The following ZNF69 variants were observed in gnomAD, a reference collection of about 807,000 sequenced individuals.
ZNF69 encodes the protein ZNF3.
ZNF69 carries 47 observed loss-of-function variants against 50.9 expected under a neutral mutation model. The ratio of observed to expected loss-of-function variants is 0.92; its 90% CI spans 0.73 to 1.18. The LOEUF is 1.18. ZNF69 is among the 50% of genes most tolerant of loss of function. The pLI is 0.00. For synonymous variants in ZNF69, 216 were observed against 223.1 expected, an observed-to-expected ratio of 0.97 and a Z score of 0.29; for missense variants, 717 against 675.1, an observed-to-expected ratio of 1.06 and a Z score of -0.69.
downstream of ZNF69, among the ~76,000 whole-genome samples, chr19:11,918,683 G>A (rs371282158): frequency 8.6e-5 from 13 of 151,910 alleles, no homozygotes; most frequent in East Asian, 5.8e-4. Flanking sequence ...TCGAACTCCC[G>A]GGCTCAATCA....
At chr19:11,909,293 A>G (rs553518661), downstream of ZNF69, among the ~76,000 whole-genome samples, 2 of 152,340 alleles carry the variant, frequency 1.3e-5, no homozygotes, top group South Asian at 4.1e-4. Context: ...ATCAATAGAA[A>G]AAGAGGGAAT....
downstream of ZNF69, among the ~76,000 whole-genome samples, chr19:11,907,335 T>C (rs1972393452): frequency 6.6e-6 from 1 of 152,118 alleles, no homozygotes; most frequent in African/African-American, 2.4e-5. Context: ...GCCACAAAGA[T>C]ACTCCTCGAG....
intron 1 of ZNF69, among the ~76,000 whole-genome samples, chr19:11,894,422 GA>G (rs1180568983): frequency 6.6e-6 from 1 of 152,186 alleles, no homozygotes; most frequent in African/African-American, 2.4e-5. Context: ...TTACAGGCAT[GA>G]GATACCCCAC....
the ZNF69 span, chr19:11,949,649 G>A: frequency 3.7e-6 from 6 of 1,612,708 alleles, no homozygotes; most frequent in African/African-American, 1.3e-5. Flanking sequence ...AACCAATGTG[G>A]TAAAGCCTTC....
At chr19:11,892,702 A>G (rs1425677176) in intron 1 of ZNF69, among the ~76,000 whole-genome samples, 1 of 152,262 alleles carries the variant, frequency 6.6e-6, no homozygotes, top group African/African-American at 2.4e-5. Context: ...TAGGTAAGAA[A>G]GAAGGCGAAT....
the ZNF69 span, chr19:11,947,550 A>G: frequency 4.3e-6 from 7 of 1,613,630 alleles, no homozygotes; most frequent in African/African-American, 8.0e-5. Flanking sequence ...GAATATGAGT[A>G]CCAAAACCCC....
the ZNF69 span, among the ~76,000 whole-genome samples, chr19:11,935,175 C>CAA: frequency 3.4e-4 from 15 of 44,350 alleles, no homozygotes; most frequent in African/African-American, 1.0e-3. Flanking sequence ...GACTCCGTCT[C>CAA]AAAAAAAAAA....
the ZNF69 span, among the ~76,000 whole-genome samples, chr19:11,974,126 T>TTTCTTTCTTTTCTTTC: frequency 4.6e-3 from 252 of 54,966 alleles, 1 homozygote; most frequent in South Asian, 7.3e-3. Context: ...TCTTTCTTTC[T>TTTCTTTCTTTTCTTTC]TTTCTTTCTT....
At chr19:11,962,927 T>A in the ZNF69 span, among the ~76,000 whole-genome samples, 5 of 152,290 alleles carry the variant, frequency 3.3e-5, no homozygotes, top group African/African-American at 1.2e-4. Context: ...TTCCATTGAC[T>A]GCAAGGAGGT....
At chr19:11,891,830 T>A (rs1977096114) in intron 1 of ZNF69, among the ~76,000 whole-genome samples, 1 of 152,186 alleles carries the variant, frequency 6.6e-6, no homozygotes. Flanking sequence ...GAGTGTTTCT[T>A]GTTAGTCTCA....
chr19:11,892,080 C>G (rs1246367170), intron 1 of ZNF69, among the ~76,000 whole-genome samples: 1 of 151,630 alleles, frequency 6.6e-6, no homozygotes, highest in African/African-American at 2.4e-5. Context: ...CTGGCTCAAG[C>G]ACCTCAGCCT....
At chr19:11,952,716 G>A in the ZNF69 span, among the ~76,000 whole-genome samples, 1 of 152,142 alleles carries the variant, frequency 6.6e-6, no homozygotes, top group Non-Finnish European at 1.5e-5. Context: ...AGTGAAGGGT[G>A]GAGTCATTGA....
At chr19:11,934,502 C>CT in the ZNF69 span, among the ~76,000 whole-genome samples, 5 of 147,616 alleles carry the variant, frequency 3.4e-5, no homozygotes, top group African/African-American at 5.3e-5. Flanking sequence ...TCATTGTTTT[C>CT]TTTTTTTTCT....
At chr19:11,901,944 A>C (rs930877937) in intron 1 of ZNF69, among the ~76,000 whole-genome samples, 8 of 148,500 alleles carry the variant, frequency 5.4e-5, no homozygotes, top group African/African-American at 2.0e-4. Flanking sequence ...CTGAGGTTTC[A>C]TGCATGTTGT....
At chr19:11,917,789 CTTT>C (rs74965943), downstream of ZNF69, among the ~76,000 whole-genome samples, 1 of 110,720 alleles carries the variant, frequency 9.0e-6, no homozygotes, top group Non-Finnish European at 1.8e-5. Context: ...CCACACCCTG[CTTT>C]TTTTTTTTTT....
At chr19:11,925,973 A>C in the ZNF69 span, among the ~76,000 whole-genome samples, 2 of 152,174 alleles carry the variant, frequency 1.3e-5, no homozygotes, top group African/African-American at 4.8e-5. Context: ...CATTGGCAGA[A>C]AGGGTGGGAC....
At chr19:11,978,449 A>G in the ZNF69 span, 1 of 1,614,194 alleles carries the variant, frequency 6.2e-7, no homozygotes, top group African/African-American at 1.3e-5. Flanking sequence ...ATGCTTGTAA[A>G]GAATGTGGAA....
downstream of ZNF69, among the ~76,000 whole-genome samples, chr19:11,909,297 A>G (rs998222735): frequency 5.9e-5 from 9 of 152,218 alleles, no homozygotes; most frequent in African/African-American, 1.9e-4. Context: ...ATAGAAAAAG[A>G]GGGAATCCTC....
chr19:11,892,674 A>G (rs1189822238), intron 1 of ZNF69, among the ~76,000 whole-genome samples: 1 of 152,188 alleles, frequency 6.6e-6, no homozygotes, highest in Non-Finnish European at 1.5e-5. Flanking sequence ...GTCATTTACA[A>G]CATTTTACAA....
Sources: gnomAD v4.1 joint callset for allele counts (sites outside exome capture counted in the v4.1 genomes callset) on GRCh38, gnomAD v4.1.1 for gene constraint, MANE v1.5 for transcripts, NCBI Gene and HGNC (gene_info 2026-07-23, HGNC 2026-07-21) for gene names.